The following KCNH8 variants were observed in gnomAD, a reference collection of about 807,000 sequenced individuals.
KCNH8 encodes the protein potassium voltage-gated channel subfamily H member 8.
In KCNH8, 70 loss-of-function variants were observed where a neutral mutation model predicts 103.6. The observed-to-expected ratio is 0.68, with a 90% CI of 0.56 to 0.82. KCNH8 has a LOEUF of 0.82. Ranked by LOEUF, KCNH8 falls within the 40% of genes least tolerant of loss-of-function variation. The pLI is 0.00. For synonymous variants in KCNH8, 498 were observed against 489.4 expected, an observed-to-expected ratio of 1.02 and a Z score of -0.23; for missense variants, 1,217 against 1,329.9, an observed-to-expected ratio of 0.92 and a Z score of 1.32.
chr3:19,278,259 A>T (rs1033573905), intron 2 of KCNH8, among the ~76,000 whole-genome samples: 18 of 152,118 alleles, frequency 1.2e-4, no homozygotes, highest in Non-Finnish European at 2.6e-4. Context: ...GGCATCTATT[A>T]TCTTTCTAGA....
At chr3:19,500,059 G>C (rs1245890634) in intron 11 of KCNH8, among the ~76,000 whole-genome samples, 4 of 152,138 alleles carry the variant, frequency 2.6e-5, no homozygotes, top group African/African-American at 9.7e-5. Flanking sequence ...CACAGGCAGA[G>C]ACACACATAG....
chr3:19,381,835 G>A (rs762647735), intron 5 of KCNH8, among the ~76,000 whole-genome samples: 5 of 152,092 alleles, frequency 3.3e-5, no homozygotes, highest in Non-Finnish European at 5.9e-5. Context: ...TATTAAACTA[G>A]AATATATACA....
intron 1 of KCNH8, among the ~76,000 whole-genome samples, chr3:19,165,161 A>G (rs1411966271): frequency 6.6e-6 from 1 of 152,224 alleles, no homozygotes; most frequent in Non-Finnish European, 1.5e-5. Flanking sequence ...TTGTACTTCA[A>G]AAATGCTGTT....
chr3:19,425,548 A>G (rs7630677), intron 7 of KCNH8, among the ~76,000 whole-genome samples: 114,112 of 152,068 alleles, frequency 0.75, 43,896 homozygotes, highest in African/African-American at 0.93. Flanking sequence ...GATGGACTCA[A>G]TGAAGGTAAT....
At chr3:19,408,000 C>T (rs1378421908) in intron 7 of KCNH8, among the ~76,000 whole-genome samples, 1 of 152,108 alleles carries the variant, frequency 6.6e-6, no homozygotes, top group African/African-American at 2.4e-5. Flanking sequence ...CAGCCCTACC[C>T]TTCATGGCTC....
At chr3:19,479,136 G>T (rs188396310) in intron 11 of KCNH8, among the ~76,000 whole-genome samples, 1 of 152,064 alleles carries the variant, frequency 6.6e-6, no homozygotes, top group African/African-American at 2.4e-5. Flanking sequence ...ATCCCCTGGC[G>T]CACAGACCTT....
intron 11 of KCNH8, among the ~76,000 whole-genome samples, chr3:19,463,467 AG>A (rs1374893958): frequency 6.6e-6 from 1 of 152,156 alleles, no homozygotes; most frequent in African/African-American, 2.4e-5. Flanking sequence ...ATATATGTAC[AG>A]GCAATGTGTA....
chr3:19,376,431 G>A (rs1035147440), intron 5 of KCNH8, among the ~76,000 whole-genome samples: 5 of 152,176 alleles, frequency 3.3e-5, no homozygotes, highest in African/African-American at 1.2e-4. Flanking sequence ...CTTCCCGAGT[G>A]AGGCAATGCC....
intron 1 of KCNH8, among the ~76,000 whole-genome samples, chr3:19,178,365 A>C (rs989847276): frequency 1.3e-5 from 2 of 152,170 alleles, no homozygotes; most frequent in South Asian, 4.1e-4. Flanking sequence ...TGCTGAAAAC[A>C]TAAGTTCAAA....
intron 15 of KCNH8, among the ~76,000 whole-genome samples, chr3:19,523,784 TA>T (rs760394851): frequency 2.1e-4 from 32 of 151,932 alleles, no homozygotes; most frequent in Admixed American, 1.3e-4. Flanking sequence ...CCATAGCACC[TA>T]AAAGCTATTA....
chr3:19,476,441 G>A (rs948838919), intron 11 of KCNH8, among the ~76,000 whole-genome samples: 3 of 152,032 alleles, frequency 2.0e-5, no homozygotes, highest in East Asian at 1.9e-4. Context: ...CTAAATACTC[G>A]GTGGGTATCC....
rs146260851 is a variant in KCNH8 at position 19,323,455 on chromosome 3, A to T, written c.443-19132A>T. On this transcript the variant is annotated intron_variant, in intron 3 of 15. Coordinates refer to ENST00000328405, the MANE Select transcript of KCNH8 (RefSeq NM_144633.3). The stretch of plus-strand genomic sequence containing the variant: ...CAGAGCAAGACTGTGTCTCAAAAAA[A>T]AATAATAATAATAAAATAAAATAAT... 3.5e-3 allele frequency among the ~76,000 whole-genome samples: 529 copies of T among 152,208 alleles called. 2 individuals are homozygous for T. Among genetic ancestry groups the T allele is most frequent in the African/African-American group, 0.011 (474 of 41,530 alleles).
chr3:19,460,542 T>C (rs2067606643), intron 11 of KCNH8, among the ~76,000 whole-genome samples: 1 of 152,186 alleles, frequency 6.6e-6, no homozygotes, highest in African/African-American at 2.4e-5. Flanking sequence ...AGGATGGTCC[T>C]TTCTCATCTC....
chr3:19,189,785 A>G lies in KCNH8; in HGVS notation c.76+40990A>G, dbSNP rs557690278. On this transcript the variant is annotated intron_variant, in intron 1 of 15. Coordinates refer to ENST00000328405, the MANE Select transcript of KCNH8 (RefSeq NM_144633.3). ...TGATGACAAACTTACATGAAATAGT[A>G]AAGAATGTGTGCAAACTGAAAACAG... Among the ~76,000 whole-genome samples the G allele has an allele frequency of 3.9e-5, 6 of 152,164 alleles. No individual in the cohort carries two copies. In the South Asian group the frequency reaches 6.2e-4, roughly 16 times the overall value.
chr3:19,531,530 C>T (rs2069160939), intron 15 of KCNH8, among the ~76,000 whole-genome samples: 1 of 152,082 alleles, frequency 6.6e-6, no homozygotes, highest in Admixed American at 6.6e-5. Context: ...CAGTTGAATC[C>T]CTTGAGTTTC....
chr3:19,322,403 A>G (rs1342854507), intron 3 of KCNH8, among the ~76,000 whole-genome samples: 2 of 152,176 alleles, frequency 1.3e-5, no homozygotes, highest in African/African-American at 4.8e-5. Context: ...TTCTTTCAGC[A>G]TCTTTTGTCT....
chr3:19,501,953 A>G (rs557189981), intron 11 of KCNH8, among the ~76,000 whole-genome samples: 2 of 152,286 alleles, frequency 1.3e-5, no homozygotes, highest in Non-Finnish European at 2.9e-5. Context: ...AATAAAGGGT[A>G]TTCAATTAGG....
At chr3:19,468,178 C>T (rs1401456872) in intron 11 of KCNH8, among the ~76,000 whole-genome samples, 1 of 152,164 alleles carries the variant, frequency 6.6e-6, no homozygotes, top group Non-Finnish European at 1.5e-5. Context: ...GTTTCTCCTA[C>T]CAAAACCTAT....
At chr3:19,407,982 G>A (rs1421409166) in intron 7 of KCNH8, among the ~76,000 whole-genome samples, 1 of 152,072 alleles carries the variant, frequency 6.6e-6, no homozygotes. Context: ...TGGCAGACTT[G>A]CTTGGTCCAG....
Sources: allele counts gnomAD v4.1 joint callset (sites outside exome capture counted in the v4.1 genomes callset), GRCh38; gene constraint gnomAD v4.1.1; transcripts MANE v1.5; gene names NCBI Gene and HGNC (gene_info 2026-07-23, HGNC 2026-07-21).